SH3BP5: variants seen among roughly 807,000 people sequenced by gnomAD.
The protein encoded by SH3BP5 is SH3 domain-binding protein 5.
SH3BP5 carries 22 observed loss-of-function variants against 43.3 expected under a neutral mutation model. The ratio of observed to expected loss-of-function variants is 0.51; its 90% CI spans 0.36 to 0.73. The LOEUF (loss-of-function observed/expected upper bound fraction) is 0.73, where lower values mean the gene tolerates loss of function less well. Ranked by LOEUF, SH3BP5 falls within the 30% of genes least tolerant of loss-of-function variation. The pLI, the probability that SH3BP5 is intolerant of heterozygous loss-of-function variation, is 0.00. For missense variants in SH3BP5, 529 were observed against 586.9 expected (o/e 0.90, Z 1.02); for synonymous variants, 255 against 225.8 (o/e 1.13, Z -1.16).
chr3:15,312,857 C>CTA (rs1193624462), intron 2 of SH3BP5, among the ~76,000 whole-genome samples: 2 of 151,926 alleles, frequency 1.3e-5, no homozygotes, highest in African/African-American at 2.4e-5. Context: ...TGGGCACTTC[C>CTA]TATATATATA....
At chr3:15,327,571 C>T (rs974861266) in intron 2 of SH3BP5, among the ~76,000 whole-genome samples, 2 of 152,230 alleles carry the variant, frequency 1.3e-5, no homozygotes, top group African/African-American at 2.4e-5. Flanking sequence ...AGCAGCGCCC[C>T]TCCAGTGTCT....
upstream of SH3BP5, among the ~76,000 whole-genome samples, chr3:15,334,641 C>G (rs1160592280): frequency 6.6e-6 from 1 of 151,934 alleles, no homozygotes; most frequent in Non-Finnish European, 1.5e-5. Flanking sequence ...GGTAAGAAAT[C>G]TAGAGCTGAC....
At chr3:15,318,524 C>G (rs1037515332) in intron 2 of SH3BP5, among the ~76,000 whole-genome samples, 8 of 122,516 alleles carry the variant, frequency 6.5e-5, no homozygotes, top group Admixed American at 3.5e-4. Flanking sequence ...TAGTTTCTGT[C>G]AGCTCCAAAA....
chr3:15,304,046 TA>T (rs1292354262), intron 3 of SH3BP5, 56 bp downstream of exon 3: 1 of 1,479,234 alleles, frequency 6.8e-7, no homozygotes, highest in African/African-American at 1.4e-5. Context: ...AAGGCACCCT[TA>T]AAACTGAGGG....
intron 2 of SH3BP5, among the ~76,000 whole-genome samples, chr3:15,324,698 A>G (rs975918008): frequency 6.6e-6 from 1 of 152,258 alleles, no homozygotes; most frequent in East Asian, 1.9e-4. Flanking sequence ...TAATGGAGAA[A>G]GTGCTGGGAC....
chr3:15,306,319 A>C (rs961105803), intron 2 of SH3BP5, among the ~76,000 whole-genome samples: 7 of 152,160 alleles, frequency 4.6e-5, no homozygotes, highest in Non-Finnish European at 1.5e-5. Flanking sequence ...AGATCGCGCC[A>C]CTGCACTCCA....
At chr3:15,334,196 A>G (rs1334058600), upstream of SH3BP5, among the ~76,000 whole-genome samples, 3 of 152,224 alleles carry the variant, frequency 2.0e-5, no homozygotes, top group East Asian at 3.8e-4. Flanking sequence ...ACATAGGCCA[A>G]CTGCTCAAGA....
Position 15,294,634 on chromosome 3 carries a change from A to G in SH3BP5, c.330+9469T>C, listed in dbSNP as rs960523523. Among the ~76,000 whole-genome samples the G allele has an allele frequency of 3.3e-5, 5 of 152,132 alleles. 1 individual carries two copies. Among genetic ancestry groups the G allele is most frequent in the Admixed American group, 1.3e-4 (2 of 15,270 alleles). On this transcript the variant is annotated intron_variant, in intron 3 of 8. Transcript: ENST00000383791. ...CAAGACTAGTTTCCTCATTCGTACT[A>G]TAAGGCCAAAAGGGAAACAATGACA...
At chr3:15,320,293 A>C (rs1265680412) in intron 2 of SH3BP5, among the ~76,000 whole-genome samples, 1 of 152,122 alleles carries the variant, frequency 6.6e-6, no homozygotes, top group Non-Finnish European at 1.5e-5. Context: ...GCAAACATTA[A>C]CATCTCTTAG....
intron 3 of SH3BP5, among the ~76,000 whole-genome samples, chr3:15,292,487 C>G (rs1220843804): frequency 6.6e-6 from 1 of 152,206 alleles, no homozygotes; most frequent in Non-Finnish European, 1.5e-5. Flanking sequence ...ACCAGTCCCC[C>G]ACGCGGACTT....
chr3:15,261,513 G>C (rs769186366), intron 5 of SH3BP5, among the ~76,000 whole-genome samples: 41 of 152,306 alleles, frequency 2.7e-4, no homozygotes, highest in Admixed American at 8.5e-4. Context: ...GCCCTGCACA[G>C]CCTGCTCTGG....
At chr3:15,291,743 G>A (rs931407694) in intron 3 of SH3BP5, among the ~76,000 whole-genome samples, 5 of 152,236 alleles carry the variant, frequency 3.3e-5, no homozygotes, top group Non-Finnish European at 7.3e-5. Flanking sequence ...CACCAGGTTG[G>A]AAGCAGGGTA....
intron 2 of SH3BP5, among the ~76,000 whole-genome samples, chr3:15,316,672 C>A (rs987142307): frequency 3.3e-5 from 5 of 151,786 alleles, no homozygotes; most frequent in Admixed American, 6.6e-5. Context: ...GTGAGATAGG[C>A]CATCCTCGAA....
chr3:15,274,026 T>A (rs1696890139), intron 3 of SH3BP5, among the ~76,000 whole-genome samples: 1 of 152,146 alleles, frequency 6.6e-6, no homozygotes, highest in Non-Finnish European at 1.5e-5. Context: ...GGTGGATCAC[T>A]TGAGGCCAGG....
intron 2 of SH3BP5, among the ~76,000 whole-genome samples, chr3:15,318,653 C>T (rs1246427052): frequency 2.0e-5 from 3 of 152,038 alleles, no homozygotes; most frequent in African/African-American, 7.2e-5. Flanking sequence ...ACCTCCACCT[C>T]CCAGGTTCAA....
At chr3:15,338,731 A>T (rs1698730795) in intron 1 of SH3BP5, among the ~76,000 whole-genome samples, 1 of 152,168 alleles carries the variant, frequency 6.6e-6, no homozygotes. Context: ...CCCCCGAAAA[A>T]AAAAAAACCT....
intron 4 of SH3BP5, among the ~76,000 whole-genome samples, chr3:15,263,398 G>A (rs1209165098): frequency 2.6e-5 from 4 of 152,240 alleles, no homozygotes. Flanking sequence ...AAGCAGCCAT[G>A]ACTTCCATTG....
chr3:15,270,994 CA>C lies in SH3BP5; in HGVS notation c.331-1118del, dbSNP rs376165781. On this transcript the variant is annotated intron_variant, in intron 3 of 8. Transcript: ENST00000383791. ...CATCCCTAATCTTAAAGACTTAGTA[CA>C]AAAAAAAAAGAATGTTAAATATCTC... 3.8e-3 allele frequency among the ~76,000 whole-genome samples: 495 copies of C among 131,636 alleles called. 10 individuals are homozygous for C. The South Asian group carries it at 0.039, about 10-fold the overall frequency. 86.4% of individuals were successfully genotyped at this position (131,636 alleles called of 152,430 possible).
intron 4 of SH3BP5, 28 bp downstream of exon 4, chr3:15,269,685 C>T: frequency 6.5e-7 from 1 of 1,538,980 alleles, no homozygotes; most frequent in South Asian, 1.2e-5. Flanking sequence ...GCGCACACCC[C>T]CACAGCACAC....
Sources: gnomAD v4.1 joint callset for allele counts (sites outside exome capture counted in the v4.1 genomes callset) on GRCh38, gnomAD v4.1.1 for gene constraint, MANE v1.5 for transcripts, NCBI Gene and HGNC (gene_info 2026-07-23, HGNC 2026-07-21) for gene names.